Variants in UQCRC2 observed in about 807,000 individuals in gnomAD.
UQCRC2 encodes cytochrome b-c1 complex subunit 2, mitochondrial.
In UQCRC2, 49 loss-of-function variants were observed where a neutral mutation model predicts 55.6. The observed-to-expected ratio is 0.88, with a 90% confidence interval of 0.70 to 1.12. The LOEUF (loss-of-function observed/expected upper bound fraction) is 1.12, where lower values mean the gene tolerates loss of function less well. UQCRC2 is among the 50% of genes most tolerant of loss of function. The pLI, the probability that UQCRC2 is intolerant of heterozygous loss-of-function variation, is 0.00. For missense variants in UQCRC2, 506 were observed against 547.8 expected, an observed-to-expected ratio of 0.92 and a Z score of 0.76; for synonymous variants, 193 against 192.0, an observed-to-expected ratio of 1.01 and a Z score of -0.04.
intron 1 of UQCRC2, among the ~76,000 whole-genome samples, chr16:21,954,307 G>C (rs1361014398): frequency 1.3e-5 from 2 of 152,222 alleles, no homozygotes; most frequent in African/African-American, 4.8e-5. Flanking sequence ...CTAGCCCCAA[G>C]TGCCAGTAGT....
intron 8 of UQCRC2, 127 bp from the exon 9 acceptor site, chr16:21,971,398 G>T: frequency 1.4e-6 from 1 of 739,490 alleles, no homozygotes; most frequent in African/African-American, 1.8e-5. Context: ...CATTATGGCA[G>T]GAAGACTCTT....
chr16:21,954,292 A>C (rs1015886706), intron 1 of UQCRC2, among the ~76,000 whole-genome samples: 1 of 152,184 alleles, frequency 6.6e-6, no homozygotes, highest in Non-Finnish European at 1.5e-5. Context: ...ACAGCAAAGA[A>C]TTATCTAGCC....
chr16:21,968,075 C>G, intron 7 of UQCRC2, among the ~76,000 whole-genome samples: 1 of 149,052 alleles, frequency 6.7e-6, no homozygotes, highest in Non-Finnish European at 1.5e-5. Flanking sequence ...GATCTCAGCT[C>G]ACTGCAACCT....
rs1898776644 is a variant in UQCRC2 at position 21,983,145 on chromosome 16, C to T, written c.1336C>T (p.His446Tyr). The T allele has an allele frequency of 1.2e-6, 2 of 1,614,080 alleles. No individual in the cohort carries two copies. Among genetic ancestry groups the T allele is most frequent in the East Asian group, 2.2e-5 (1 of 44,878 alleles). Residue 446 changes from histidine (H) to tyrosine (Y), a missense_variant, in exon 14 of 14, where the codon CAT becomes TAT. Physicochemically the swap from His to Tyr is moderately conservative, Grantham distance 83. Transcript: ENST00000268379. ...KSMAASGNLG[H>Y]TPFVDEL Reference sequence around the variant, plus strand: ...AATGGCAGCAAGTGGAAATTTGGGACATACACCTTTTGTTGATGAGTTGTA... The same window carrying T: ...AATGGCAGCAAGTGGAAATTTGGGATATACACCTTTTGTTGATGAGTTGTA...
chr16:21,963,031 C>G (rs1898242977), intron 6 of UQCRC2, 146 bp downstream of exon 6: 1 of 1,088,758 alleles, frequency 9.2e-7, no homozygotes, highest in Non-Finnish European at 1.2e-6. Flanking sequence ...CTCTGTCACC[C>G]AGGCTGGAGT....
At chr16:21,975,324 T>C (rs1012472237) in intron 11 of UQCRC2, among the ~76,000 whole-genome samples, 5 of 152,064 alleles carry the variant, frequency 3.3e-5, no homozygotes, top group African/African-American at 9.7e-5. Flanking sequence ...AGTGGAAGAA[T>C]AAGGATAGTG....
chr16:21,981,660 G>A (rs1216323929), intron 13 of UQCRC2, among the ~76,000 whole-genome samples: 1 of 151,742 alleles, frequency 6.6e-6, no homozygotes, highest in East Asian at 2.0e-4. Flanking sequence ...GAGCTCATGG[G>A]GCTGAGGTGG....
chr16:21,959,644 T>C, intron 4 of UQCRC2: 1 of 152,280 alleles, frequency 6.6e-6, no homozygotes, highest in East Asian at 1.9e-4. Flanking sequence ...GTGTCTAGAA[T>C]GGTGAATTCT....
At chr16:21,980,383 A>G (rs942803896) in intron 12 of UQCRC2, 164 bp from the exon 13 acceptor site, 5 of 733,016 alleles carry the variant, frequency 6.8e-6, no homozygotes, top group Non-Finnish European at 1.1e-5. Flanking sequence ...AGTATGTTCC[A>G]GAGAAGGGAG....
chr16:21,959,729 A>C (rs1197754248), intron 4 of UQCRC2: 2 of 152,258 alleles, frequency 1.3e-5, no homozygotes, highest in Non-Finnish European at 2.9e-5. Context: ...GTAGCCTTAC[A>C]AAATGTATTT....
chr16:21,981,401 T>C (rs1201252517), intron 13 of UQCRC2, among the ~76,000 whole-genome samples: 2 of 152,154 alleles, frequency 1.3e-5, no homozygotes, highest in Non-Finnish European at 2.9e-5. Context: ...ACTGTAGATG[T>C]CTCGGCCATC....
At chr16:21,954,504 T>C (rs1898059407) in intron 1 of UQCRC2, among the ~76,000 whole-genome samples, 2 of 152,154 alleles carry the variant, frequency 1.3e-5, no homozygotes, top group African/African-American at 4.8e-5. Flanking sequence ...CACGGTTAGA[T>C]TGGCAAAAGA....
intron 7 of UQCRC2, 100 bp from the exon 8 acceptor site, chr16:21,968,528 C>T (rs1312311811): frequency 1.9e-6 from 2 of 1,034,944 alleles, no homozygotes; most frequent in African/African-American, 1.6e-5. Flanking sequence ...ACTTATAAGG[C>T]CTTATAAGTA....
chr16:21,965,715 A>G (rs543861196), intron 7 of UQCRC2, among the ~76,000 whole-genome samples: 10 of 152,376 alleles, frequency 6.6e-5, no homozygotes, highest in East Asian at 1.9e-4. Flanking sequence ...CTAAAGGGAC[A>G]TGATCATTAC....
chr16:21,958,017 A>G (rs1032219309), intron 3 of UQCRC2, among the ~76,000 whole-genome samples: 1 of 152,210 alleles, frequency 6.6e-6, no homozygotes, highest in African/African-American at 2.4e-5. Flanking sequence ...ATGTCATCTT[A>G]AGTACTTAAA....
chr16:21,961,855 G>T (rs1182666653), intron 4 of UQCRC2, among the ~76,000 whole-genome samples: 2 of 151,328 alleles, frequency 1.3e-5, no homozygotes, highest in African/African-American at 4.8e-5. Context: ...GTTTCACCCT[G>T]TTGGCCAGGC....
At position 21,973,033 on chromosome 16, in the gene UQCRC2, G is replaced by A. The variant is rs1367582180; in HGVS notation, c.967-863G>A. Among the ~76,000 whole-genome samples the A allele has an allele frequency of 2.0e-5, 3 of 152,250 alleles. 1 individual carries two copies. The East Asian group carries it at 5.8e-4, about 29-fold the overall frequency. ...AAGAATCACTTGAACCCAGGAGGCG[G>A]AGGATTCAGTAAGCTGAGATCGTGC... On this transcript the variant is annotated intron_variant, in intron 10 of 13. Transcript: ENST00000268379.
Position 21,976,157 on chromosome 16 carries a change from T to C in UQCRC2, c.1048-10T>C. ...GACCACAGATGACCAACTTTTCTTA[T>C]CTGTCCTAGGTTATCAAGGCTGCCT... On this transcript the variant is annotated splice_polypyrimidine_tract_variant and intron_variant, in intron 11 of 13. Coordinates refer to ENST00000268379, the MANE Select transcript of UQCRC2 (RefSeq NM_003366.4). The C allele has an allele frequency of 6.2e-7, 1 of 1,612,334 alleles. No homozygotes were observed. The highest frequency in any genetic ancestry group is 8.5e-7 in the Non-Finnish European group (1 of 1,178,622).
In UQCRC2 at chr16:21,980,677, G is replaced by A. The variant is rs748748050; in HGVS notation, c.1255G>A (p.Val419Met). The change falls in exon 13 of 14, where the codon GTG becomes ATG. Residue 419 changes from valine (V) to methionine (M), a missense_variant. Physicochemically the swap from Val to Met is conservative, Grantham distance 21. Transcript: ENST00000268379. ...CACAGTCCTTCAGCAGATTGATTCA[G>A]TGGCTAATGCTGATATCATAAATGT... ...PSTVLQQIDS[V>M]ANADIINAAK... The A allele has an allele frequency of 4.2e-5, 68 of 1,614,004 alleles. No homozygotes were observed. In the East Asian group the frequency reaches 1.5e-3, roughly 36 times the overall value.
Sources: gnomAD v4.1 joint callset for allele counts (sites outside exome capture counted in the v4.1 genomes callset) on GRCh38, gnomAD v4.1.1 for gene constraint, MANE v1.5 for transcripts, NCBI Gene and HGNC (gene_info 2026-07-23, HGNC 2026-07-21) for gene names.